LSAMP: variants seen among roughly 807,000 people sequenced by gnomAD.
LSAMP encodes limbic system-associated membrane protein.
Under a neutral mutation model 38.6 loss-of-function variants are expected in LSAMP, and 7 were observed. The ratio of observed to expected loss-of-function variants is 0.18; its 90% CI spans 0.10 to 0.34. LSAMP has a LOEUF of 0.34. Among genes scored for constraint, LSAMP ranks in the 10% least tolerant of loss-of-function variants. The pLI, the probability that LSAMP is intolerant of heterozygous loss-of-function variation, is 1.00. For missense variants in LSAMP, 313 were observed against 420.0 expected, an observed-to-expected ratio of 0.75 and a Z score of 2.23; for synonymous variants, 154 against 166.8, an observed-to-expected ratio of 0.92 and a Z score of 0.59.
At chr3:116,339,036 A>G (rs1368458028) in intron 1 of LSAMP, among the ~76,000 whole-genome samples, 2 of 152,004 alleles carry the variant, frequency 1.3e-5, no homozygotes, top group African/African-American at 4.8e-5. Flanking sequence ...AGCTCTCAGG[A>G]TTCTACTTGC....
At chr3:116,379,532 A>G (rs2048532269) in intron 1 of LSAMP, among the ~76,000 whole-genome samples, 1 of 152,056 alleles carries the variant, frequency 6.6e-6, no homozygotes, top group African/African-American at 2.4e-5. Context: ...AGTTCTAAGC[A>G]GGGAAGTGAC....
intron 3 of LSAMP, among the ~76,000 whole-genome samples, chr3:115,976,136 G>T (rs190725803): frequency 4.6e-5 from 7 of 152,172 alleles, no homozygotes; most frequent in Admixed American, 4.6e-4. Flanking sequence ...TTCTATTTGT[G>T]GCTGCATGAT....
Position 116,349,468 on chromosome 3 carries a change from C to A in LSAMP, c.155+95409G>T, listed in dbSNP as rs189043333. On this transcript the variant is annotated intron_variant, in intron 1 of 6. Transcript: ENST00000490035. ...ATTAAAAAAGAAAACAGAATAATGA[C>A]CCCCCCCAAAAAAACTACACACACA... is the stretch of plus-strand genomic sequence containing the variant. Among the ~76,000 whole-genome samples the A allele has an allele frequency of 2.7e-3, 406 of 149,294 alleles. 1 individual carries two copies. Among genetic ancestry groups the A allele is most frequent in the Non-Finnish European group, 4.7e-3 (313 of 67,082 alleles).
At chr3:116,377,729 C>A (rs1260486902) in intron 1 of LSAMP, among the ~76,000 whole-genome samples, 1 of 152,012 alleles carries the variant, frequency 6.6e-6, no homozygotes, top group African/African-American at 2.4e-5. Flanking sequence ...CTCTTCATGA[C>A]TTCTAATAAT....
intron 1 of LSAMP, among the ~76,000 whole-genome samples, chr3:116,087,448 A>G (rs962740303): frequency 6.6e-6 from 1 of 152,230 alleles, no homozygotes; most frequent in Non-Finnish European, 1.5e-5. Context: ...CAGTTCCAGC[A>G]AGAGTCTTGC....
intron 1 of LSAMP, among the ~76,000 whole-genome samples, chr3:116,101,068 C>T (rs1708337030): frequency 6.6e-6 from 1 of 152,184 alleles, no homozygotes; most frequent in Non-Finnish European, 1.5e-5. Context: ...TCAACTTTTG[C>T]ATCTCTATTG....
chr3:115,926,637 C>A (rs951327123), intron 3 of LSAMP, among the ~76,000 whole-genome samples: 4 of 152,148 alleles, frequency 2.6e-5, no homozygotes, highest in African/African-American at 9.7e-5. Flanking sequence ...TCCTGAAATG[C>A]TCCACAAGGA....
At chr3:116,165,443 A>G (rs1011419470) in intron 1 of LSAMP, among the ~76,000 whole-genome samples, 3 of 152,152 alleles carry the variant, frequency 2.0e-5, no homozygotes, top group Non-Finnish European at 4.4e-5. Flanking sequence ...TAGTGGAGCA[A>G]TTGGAGGATA....
At chr3:116,399,565 A>G (rs1223412443) in intron 1 of LSAMP, among the ~76,000 whole-genome samples, 1 of 152,190 alleles carries the variant, frequency 6.6e-6, no homozygotes, top group Admixed American at 6.5e-5. Flanking sequence ...AAAGTGGGCA[A>G]TATAGAGAAA....
At chr3:116,303,336 G>A (rs1576494668) in intron 1 of LSAMP, among the ~76,000 whole-genome samples, 1 of 152,124 alleles carries the variant, frequency 6.6e-6, no homozygotes, top group African/African-American at 2.4e-5. Flanking sequence ...TGCTTACTTC[G>A]GATTGTAAAC....
At chr3:115,964,723 C>A (rs9871905) in intron 3 of LSAMP, among the ~76,000 whole-genome samples, 1 of 151,730 alleles carries the variant, frequency 6.6e-6, no homozygotes, top group Non-Finnish European at 1.5e-5. Flanking sequence ...AAAAATCAAA[C>A]GCATTTCTAG....
intron 2 of LSAMP, among the ~76,000 whole-genome samples, chr3:116,058,461 GAA>G (rs35849014): frequency 0.27 from 37,235 of 137,172 alleles, 4,657 homozygotes; most frequent in Admixed American, 0.32. Flanking sequence ...ATAAAATTTT[GAA>G]AAAAAAAAAA....
chr3:116,035,693 C>T (rs906488439), intron 2 of LSAMP, among the ~76,000 whole-genome samples: 10 of 152,158 alleles, frequency 6.6e-5, no homozygotes, highest in Non-Finnish European at 8.8e-5. Flanking sequence ...CTCTGTCCAG[C>T]GACCATGGAC....
At chr3:116,438,417 T>A (rs1184261452) in intron 1 of LSAMP, among the ~76,000 whole-genome samples, 1 of 152,198 alleles carries the variant, frequency 6.6e-6, no homozygotes, top group Non-Finnish European at 1.5e-5. Context: ...TTACAGTATT[T>A]CATGCTATTA....
At chr3:116,347,327 T>A (rs2048077333) in intron 1 of LSAMP, among the ~76,000 whole-genome samples, 1 of 152,202 alleles carries the variant, frequency 6.6e-6, no homozygotes, top group Non-Finnish European at 1.5e-5. Flanking sequence ...TTTTCACGGT[T>A]AGTAGGTCAG....
At chr3:116,057,061 C>T (rs1025341787) in intron 2 of LSAMP, among the ~76,000 whole-genome samples, 5 of 152,170 alleles carry the variant, frequency 3.3e-5, no homozygotes, top group African/African-American at 1.2e-4. Context: ...CTGACCTTGT[C>T]TGTGGCAACT....
intron 1 of LSAMP, among the ~76,000 whole-genome samples, chr3:116,115,309 A>T (rs777613301): frequency 3.3e-5 from 5 of 152,246 alleles, no homozygotes; most frequent in South Asian, 2.1e-4. Flanking sequence ...GTCAGGTTTA[A>T]TTCTCACAAC....
intron 3 of LSAMP, among the ~76,000 whole-genome samples, chr3:115,865,200 T>C (rs980945422): frequency 3.3e-5 from 5 of 152,194 alleles, no homozygotes; most frequent in African/African-American, 1.2e-4. Flanking sequence ...AATCACATAT[T>C]TAGAAAGCAG....
At chr3:115,877,456 G>A (rs1462849097) in intron 3 of LSAMP, among the ~76,000 whole-genome samples, 1 of 152,106 alleles carries the variant, frequency 6.6e-6, no homozygotes, top group Non-Finnish European at 1.5e-5. Flanking sequence ...TTCAAAATGA[G>A]TAGCTTTTTT....
Sources: allele counts gnomAD v4.1 joint callset (sites outside exome capture counted in the v4.1 genomes callset), GRCh38; gene constraint gnomAD v4.1.1; transcripts MANE v1.5; gene names NCBI Gene and HGNC (gene_info 2026-07-23, HGNC 2026-07-21).